Variants in GLI3 observed in about 807,000 individuals in gnomAD.
GLI3 encodes the protein transcription activator GLI3.
Under a neutral mutation model 100.8 loss-of-function variants are expected in GLI3, and 20 were observed. The ratio of observed to expected loss-of-function variants is 0.20; its 90% CI spans 0.14 to 0.29. The LOEUF (loss-of-function observed/expected upper bound fraction) is 0.29. Ranked by LOEUF, GLI3 falls within the 10% of genes least tolerant of loss-of-function variation. The pLI, the probability that GLI3 is intolerant of heterozygous loss-of-function variation, is 1.00. For missense variants in GLI3, 2,040 were observed against 2,128.5 expected (o/e 0.96, Z 0.82); for synonymous variants, 938 against 860.5 (o/e 1.09, Z -1.58).
chr7:42,039,108 G>A (rs1453454506), intron 7 of GLI3, among the ~76,000 whole-genome samples: 1 of 152,176 alleles, frequency 6.6e-6, no homozygotes, highest in East Asian at 1.9e-4. Context: ...GGGGAAATGA[G>A]AGTTTAAAGT....
intron 10 of GLI3, among the ~76,000 whole-genome samples, chr7:42,009,821 G>A (rs574348270): frequency 5.7e-4 from 87 of 152,260 alleles, no homozygotes; most frequent in African/African-American, 2.0e-3. Context: ...ACTGCCATTC[G>A]TTGATTGTAA....
rs866611261 is a variant in GLI3 at position 42,262,616 on chromosome 7, C to G, written c.-43+1378G>C. On this transcript the variant is annotated intron_variant, in intron 1 of 2. Coordinates refer to the GLI3 transcript ENST00000678978. ...ATTCAGAATTTCTGGGGCAGACTCT[C>G]TCACTGGTTCAGCATGTTTAAGAGT... is the stretch of plus-strand genomic sequence containing the variant. 5.9e-5 allele frequency among the ~76,000 whole-genome samples: 9 copies of G among 152,268 alleles called. No homozygotes were observed. In the South Asian group the frequency reaches 1.9e-3, roughly 32 times the overall value.
intron 4 of GLI3, among the ~76,000 whole-genome samples, chr7:42,075,990 G>GATTA (rs1207585290): frequency 2.0e-5 from 3 of 152,120 alleles, no homozygotes; most frequent in African/African-American, 7.2e-5. Flanking sequence ...AATAAAGGGT[G>GATTA]ATTATTAGAT....
intron 3 of GLI3, among the ~76,000 whole-genome samples, chr7:42,089,672 C>T (rs1785176696): frequency 6.6e-6 from 1 of 152,138 alleles, no homozygotes; most frequent in African/African-American, 2.4e-5. Context: ...TGAAAAGGCT[C>T]CCCCATTTAA....
In GLI3 at chr7:41,961,963, A is replaced by G. The variant is rs1787023823; in HGVS notation, c.*2367T>C. On this transcript the variant is annotated 3_prime_UTR_variant, in exon 15 of 15. Coordinates refer to ENST00000395925, the MANE Select transcript of GLI3 (RefSeq NM_000168.6). Reference sequence around the variant, plus strand: ...CAAATCTAAAAGCAGTAGAAAGGAAAGCAAATATAAAAAAAAAAAGAAATA... The same window carrying G: ...CAAATCTAAAAGCAGTAGAAAGGAAGGCAAATATAAAAAAAAAAAGAAATA... The G allele has an allele frequency of 6.6e-6, 1 of 151,966 alleles. No individual in the cohort carries two copies. Among genetic ancestry groups the G allele is most frequent in the Admixed American group, 6.6e-5 (1 of 15,254 alleles). The allele number at this position is 151,966 out of a possible 1,614,324, so 9.4% of individuals were successfully genotyped here.
rs141650154 is a variant in GLI3 at position 42,198,728 on chromosome 7, G to A, written c.124+24402C>T. Among the ~76,000 whole-genome samples, 70 of 151,868 alleles carry A rather than the reference G, an allele frequency of 4.6e-4. No individual in the cohort carries two copies. The East Asian group carries it at 0.011, about 24-fold the overall frequency. ...AAAAATCAGTACTTCCCTCTAGGGC[G>A]CAACTTTGATACCTCCTTGAGATGC... is the stretch of plus-strand genomic sequence containing the variant. On this transcript the variant is annotated intron_variant, in intron 2 of 14. Coordinates refer to ENST00000395925, the MANE Select transcript of GLI3 (RefSeq NM_000168.6).
intron 10 of GLI3, among the ~76,000 whole-genome samples, chr7:42,018,477 A>T (rs1308575608): frequency 6.6e-6 from 1 of 152,212 alleles, no homozygotes; most frequent in African/African-American, 2.4e-5. Context: ...TATGGGAAAC[A>T]TTTAAAATGC....
At chr7:42,202,856 G>C (rs964582854) in intron 2 of GLI3, among the ~76,000 whole-genome samples, 3 of 152,198 alleles carry the variant, frequency 2.0e-5, no homozygotes, top group Non-Finnish European at 4.4e-5. Flanking sequence ...ATGACTGTAA[G>C]TCCCACTCTT....
intron 12 of GLI3, among the ~76,000 whole-genome samples, chr7:41,974,644 AG>A (rs1221950335): frequency 6.6e-6 from 1 of 152,202 alleles, no homozygotes; most frequent in Non-Finnish European, 1.5e-5. Flanking sequence ...ATCATTTTTC[AG>A]CTAGGATAAT....
At chr7:42,254,919 A>G (rs1467843115) in intron 1 of GLI3, among the ~76,000 whole-genome samples, 1 of 151,364 alleles carries the variant, frequency 6.6e-6, no homozygotes, top group Non-Finnish European at 1.5e-5. Context: ...CATTGCTCTT[A>G]AAATAAAATT....
intron 6 of GLI3, among the ~76,000 whole-genome samples, chr7:42,044,579 G>C (rs1784207712): frequency 6.6e-6 from 1 of 151,988 alleles, no homozygotes; most frequent in Non-Finnish European, 1.5e-5. Flanking sequence ...CTTCTGATTT[G>C]GAAAAAGTTT....
chr7:42,196,316 G>A (rs1787927386), intron 2 of GLI3, among the ~76,000 whole-genome samples: 1 of 152,184 alleles, frequency 6.6e-6, no homozygotes, highest in African/African-American at 2.4e-5. Context: ...TCAGCTCTTT[G>A]AATTTCAACT....
intron 10 of GLI3, among the ~76,000 whole-genome samples, chr7:42,009,787 C>T (rs1162057691): frequency 6.6e-6 from 1 of 152,110 alleles, no homozygotes; most frequent in Non-Finnish European, 1.5e-5. Context: ...GATGAGCAAA[C>T]GAGGAAGTGA....
intron 1 of GLI3, among the ~76,000 whole-genome samples, chr7:42,246,351 C>T (rs1788971576): frequency 6.6e-6 from 1 of 152,166 alleles, no homozygotes; most frequent in East Asian, 1.9e-4. Flanking sequence ...AAACCCAACT[C>T]CTGGGTTTGG....
At chr7:41,979,626 A>G (rs1034649726) in intron 10 of GLI3, among the ~76,000 whole-genome samples, 1 of 152,212 alleles carries the variant, frequency 6.6e-6, no homozygotes, top group African/African-American at 2.4e-5. Flanking sequence ...ATTAAGGTCA[A>G]TTTCAACAGG....
At chr7:42,051,401 C>A (rs1784348833) in intron 4 of GLI3, among the ~76,000 whole-genome samples, 1 of 152,072 alleles carries the variant, frequency 6.6e-6, no homozygotes, top group Non-Finnish European at 1.5e-5. Context: ...TGTACTGAGC[C>A]TAGTATATAC....
intron 3 of GLI3, among the ~76,000 whole-genome samples, chr7:42,078,762 C>T (rs962991292): frequency 1.5e-5 from 2 of 133,368 alleles, no homozygotes; most frequent in Admixed American, 1.7e-4. Context: ...CGGAGTCTCA[C>T]TCAGTCACCC....
intron 1 of GLI3, among the ~76,000 whole-genome samples, chr7:42,244,281 A>C (rs1788951549): frequency 6.6e-6 from 1 of 152,148 alleles, no homozygotes; most frequent in Admixed American, 6.5e-5. Flanking sequence ...CACATATTCC[A>C]CTTACTTTTT....
intron 4 of GLI3, among the ~76,000 whole-genome samples, chr7:42,076,054 G>A (rs1376253031): frequency 6.6e-6 from 1 of 152,208 alleles, no homozygotes; most frequent in South Asian, 2.1e-4. Flanking sequence ...ATCCCAGAGA[G>A]TGGCTCCAAT....
Sources: gnomAD v4.1 joint callset for allele counts (sites outside exome capture counted in the v4.1 genomes callset) on GRCh38, gnomAD v4.1.1 for gene constraint, MANE v1.5 for transcripts, NCBI Gene and HGNC (gene_info 2026-07-23, HGNC 2026-07-21) for gene names.